Variants in TNN observed in about 807,000 individuals in gnomAD.
TNN encodes the protein tenascin N.
A neutral mutation model predicts 134.4 loss-of-function variants in TNN; 122 were observed. That is an observed-to-expected ratio of 0.91 (90% CI 0.78 to 1.06). The LOEUF is 1.06. Among genes scored for constraint, TNN ranks in the 50% least tolerant of loss-of-function variants. The pLI, the probability that TNN is intolerant of heterozygous loss-of-function variation, is 0.00. For missense variants in TNN, 1,739 were observed against 1,699.4 expected (o/e 1.02, Z -0.41); for synonymous variants, 710 against 670.3 (o/e 1.06, Z -0.91).
At chr1:175,104,524 T>C (rs1674803602) in intron 9 of TNN, among the ~76,000 whole-genome samples, 1 of 145,818 alleles carries the variant, frequency 6.9e-6, no homozygotes, top group African/African-American at 2.5e-5. Flanking sequence ...CCGTACCAGG[T>C]GATTGGCCTG....
At chr1:175,121,183 C>T (rs778143234) in intron 11 of TNN, among the ~76,000 whole-genome samples, 5 of 152,234 alleles carry the variant, frequency 3.3e-5, no homozygotes, top group African/African-American at 7.2e-5. Context: ...GCTACGGTAT[C>T]GGACTGTGCC....
At chr1:175,127,903 T>G in intron 13 of TNN, 129 bp from the exon 14 acceptor site, 1 of 1,140,906 alleles carries the variant, frequency 8.8e-7, no homozygotes, top group Non-Finnish European at 1.3e-6. Context: ...CACTGAGGCT[T>G]CGGAGAGACA....
At chr1:175,079,804 T>C (rs1383872136) in intron 3 of TNN, 97 bp downstream of exon 3, 9 of 1,431,668 alleles carry the variant, frequency 6.3e-6, no homozygotes, top group Non-Finnish European at 8.3e-6. Flanking sequence ...GGTCTCTTCC[T>C]TTAGCCTACG....
At chr1:175,089,995 AT>A (rs1259508044) in intron 6 of TNN, among the ~76,000 whole-genome samples, 1 of 152,214 alleles carries the variant, frequency 6.6e-6, no homozygotes, top group Non-Finnish European at 1.5e-5. Flanking sequence ...CACATTTAGC[AT>A]CTGGACAACA....
At chr1:175,082,323 A>G (rs908022478) in intron 4 of TNN, among the ~76,000 whole-genome samples, 5 of 152,156 alleles carry the variant, frequency 3.3e-5, no homozygotes, top group Admixed American at 6.5e-5. Context: ...TTCTAATCTG[A>G]TTCAGGTTAA....
chr1:175,073,549 T>C (rs1673967652), intron 1 of TNN, among the ~76,000 whole-genome samples: 1 of 152,170 alleles, frequency 6.6e-6, no homozygotes, highest in Admixed American at 6.5e-5. Context: ...GGCCACATCT[T>C]TTCTTCTTTC....
intron 9 of TNN, among the ~76,000 whole-genome samples, chr1:175,101,381 T>TGAGG (rs1674720718): frequency 6.6e-6 from 1 of 150,586 alleles, no homozygotes; most frequent in East Asian, 2.0e-4. Flanking sequence ...ATCTTCGCGG[T>TGAGG]GTTACAGCTC....
intron 1 of TNN, among the ~76,000 whole-genome samples, chr1:175,072,477 G>A (rs1255027511): frequency 5.3e-5 from 8 of 152,122 alleles, no homozygotes; most frequent in South Asian, 2.1e-4. Flanking sequence ...ATCATCCTGC[G>A]TTTTGCTCAG....
intron 9 of TNN, among the ~76,000 whole-genome samples, chr1:175,111,266 C>T (rs530590827): frequency 2.0e-5 from 3 of 151,468 alleles, no homozygotes; most frequent in Non-Finnish European, 2.9e-5. Context: ...TGCAGTGAGC[C>T]AAGATCACAC....
intron 9 of TNN, among the ~76,000 whole-genome samples, chr1:175,111,486 C>CAAAA (rs59538028): frequency 4.8e-5 from 3 of 62,538 alleles, no homozygotes; most frequent in African/African-American, 5.8e-5. Context: ...GACTCTGTCT[C>CAAAA]AAAAAAAAAA....
chr1:175,073,450 A>AG (rs772524050), intron 1 of TNN, among the ~76,000 whole-genome samples: 1 of 152,136 alleles, frequency 6.6e-6, no homozygotes, highest in African/African-American at 2.4e-5. Context: ...AGCAGATTCC[A>AG]GAGCTTTTCT....
At chr1:175,145,265 T>C (rs897030285) in intron 18 of TNN, among the ~76,000 whole-genome samples, 1 of 152,020 alleles carries the variant, frequency 6.6e-6, no homozygotes, top group Non-Finnish European at 1.5e-5. Flanking sequence ...AAGAGCTATT[T>C]CTTTAGGCTG....
intron 11 of TNN, among the ~76,000 whole-genome samples, chr1:175,120,995 A>G (rs1001486092): frequency 1.1e-4 from 16 of 152,090 alleles, no homozygotes; most frequent in Non-Finnish European, 2.2e-4. Flanking sequence ...ATGGGGTCTC[A>G]CTGTGTTGAA....
chr1:175,116,812 T>G, intron 9 of TNN, 127 bp from the exon 10 acceptor site: 1 of 1,345,620 alleles, frequency 7.4e-7, no homozygotes, highest in South Asian at 1.2e-5. Flanking sequence ...ATGAAACAAC[T>G]GAAAACCAGC....
chr1:175,079,204 A>AAC, intron 2 of TNN, 129 bp from the exon 3 acceptor site: 4 of 1,154,350 alleles, frequency 3.5e-6, no homozygotes, highest in African/African-American at 1.6e-5. Context: ...GCCGTGCAAG[A>AAC]CCCAGAAATC....
intron 18 of TNN, among the ~76,000 whole-genome samples, chr1:175,145,254 C>T (rs1040855948): frequency 1.3e-5 from 2 of 152,086 alleles, no homozygotes; most frequent in South Asian, 4.2e-4. Flanking sequence ...CCTAGTTGAA[C>T]AAGAGCTATT....
At chr1:175,116,918 A>G (rs1215307012) in intron 9 of TNN, 21 bp from the exon 10 acceptor site, 2 of 1,614,180 alleles carry the variant, frequency 1.2e-6, no homozygotes, top group African/African-American at 1.3e-5. Flanking sequence ...GTGTTCATTG[A>G]TCAGCAATTT....
chr1:175,132,548 A>G (rs1574175796), intron 15 of TNN, among the ~76,000 whole-genome samples: 1 of 152,246 alleles, frequency 6.6e-6, no homozygotes, highest in African/African-American at 2.4e-5. Context: ...GTTTGCCGTG[A>G]TATTTCCTAC....
chr1:175,123,376 C>A, intron 11 of TNN, 24 bp from the exon 12 acceptor site: 1 of 1,612,290 alleles, frequency 6.2e-7, no homozygotes, highest in Middle Eastern at 1.7e-4. Flanking sequence ...TAAAGTTCAG[C>A]CTTTTCTAAA....
Sources: gnomAD v4.1 joint callset for allele counts (sites outside exome capture counted in the v4.1 genomes callset) on GRCh38, gnomAD v4.1.1 for gene constraint, MANE v1.5 for transcripts, NCBI Gene and HGNC (gene_info 2026-07-23, HGNC 2026-07-21) for gene names.